LRP1B: variants seen among roughly 807,000 people sequenced by gnomAD.
LRP1B encodes the protein LDL receptor related protein 1B.
LRP1B carries 217 observed loss-of-function variants against 556.6 expected under a neutral mutation model. The ratio of observed to expected loss-of-function variants is 0.39; its 90% CI spans 0.35 to 0.44. The LOEUF is 0.44. Ranked by LOEUF, LRP1B falls within the 20% of genes least tolerant of loss-of-function variation. The pLI is 1.00. For synonymous variants in LRP1B, 2,047 were observed against 1,865.8 expected (o/e 1.10, Z -2.50); for missense variants, 5,053 against 5,620.8 (o/e 0.90, Z 3.23).
chr2:140,717,826 A>C (rs1281182822), intron 35 of LRP1B, among the ~76,000 whole-genome samples: 2 of 152,102 alleles, frequency 1.3e-5, no homozygotes. Context: ...TCTGTTTCAA[A>C]TGAAATATAG....
intron 67 of LRP1B, among the ~76,000 whole-genome samples, chr2:140,379,464 G>A (rs2105185590): frequency 6.6e-6 from 1 of 152,278 alleles, no homozygotes; most frequent in East Asian, 1.9e-4. Flanking sequence ...GGAGGCCGAG[G>A]CGGGCAGATC....
At chr2:141,665,310 G>A (rs997233694) in intron 2 of LRP1B, among the ~76,000 whole-genome samples, 1 of 152,088 alleles carries the variant, frequency 6.6e-6, no homozygotes, top group East Asian at 1.9e-4. Context: ...CATACATGCA[G>A]CCAATAAACA....
chr2:140,955,305 A>T (rs1285039549), intron 18 of LRP1B, among the ~76,000 whole-genome samples: 2 of 151,892 alleles, frequency 1.3e-5, no homozygotes, highest in Admixed American at 6.6e-5. Context: ...TGAAAATAGC[A>T]TCTGAATATA....
chr2:141,803,653 A>T (rs750407116), intron 2 of LRP1B, among the ~76,000 whole-genome samples: 114 of 152,214 alleles, frequency 7.5e-4, no homozygotes, highest in Non-Finnish European at 1.5e-3. Context: ...AATCACCATT[A>T]CTTAGAAACA....
At chr2:140,998,976 G>A (rs1384716509) in intron 15 of LRP1B, among the ~76,000 whole-genome samples, 2 of 152,002 alleles carry the variant, frequency 1.3e-5, no homozygotes, top group Non-Finnish European at 2.9e-5. Context: ...GTAATGAGAG[G>A]TTAGTGGCAT....
chr2:140,626,677 A>G (rs1289485763), intron 41 of LRP1B, among the ~76,000 whole-genome samples: 2 of 146,126 alleles, frequency 1.4e-5, no homozygotes, highest in African/African-American at 5.1e-5. Flanking sequence ...AAATTTGAGT[A>G]CACAAAAATT....
intron 86 of LRP1B, among the ~76,000 whole-genome samples, chr2:140,267,965 G>A (rs952802333): frequency 6.6e-6 from 1 of 151,772 alleles, no homozygotes; most frequent in Non-Finnish European, 1.5e-5. Context: ...AACGTGGGCT[G>A]CTACACCCAT....
chr2:141,080,830 A>G (rs971903126), intron 7 of LRP1B, among the ~76,000 whole-genome samples: 6 of 152,204 alleles, frequency 3.9e-5, no homozygotes, highest in African/African-American at 9.7e-5. Flanking sequence ...AATAAACTTC[A>G]TAAGTTTTAA....
At chr2:141,316,205 G>C (rs1687030337) in intron 3 of LRP1B, among the ~76,000 whole-genome samples, 1 of 151,962 alleles carries the variant, frequency 6.6e-6, no homozygotes, top group South Asian at 2.1e-4. Context: ...TCCTTTTAAA[G>C]TAAAGTGCTT....
At chr2:140,769,031 A>ATT (rs11421307) in intron 35 of LRP1B, among the ~76,000 whole-genome samples, 182 bp downstream of exon 35, 52 of 150,778 alleles carry the variant, frequency 3.4e-4, no homozygotes, top group African/African-American at 8.3e-4. Context: ...ATTTTACTTG[A>ATT]TTTTTTTTTC....
At chr2:142,086,764 A>C (rs13018015) in intron 1 of LRP1B, among the ~76,000 whole-genome samples, 75,167 of 151,656 alleles carry the variant, frequency 0.5, 18,917 homozygotes, top group East Asian at 0.69. Flanking sequence ...TAAAATTCAA[A>C]GTTAACTGAG....
chr2:141,471,979 G>T (rs1270248629), intron 3 of LRP1B, among the ~76,000 whole-genome samples: 1 of 152,190 alleles, frequency 6.6e-6, no homozygotes, highest in Non-Finnish European at 1.5e-5. Flanking sequence ...ACTATCAAGA[G>T]TTGTAGAACA....
At chr2:140,431,552 G>A (rs1413448893) in intron 66 of LRP1B, among the ~76,000 whole-genome samples, 5 of 152,110 alleles carry the variant, frequency 3.3e-5, no homozygotes, top group Admixed American at 6.6e-5. Flanking sequence ...ATATATCGTG[G>A]TGCTATCCCC....
intron 2 of LRP1B, among the ~76,000 whole-genome samples, chr2:141,793,507 G>T (rs1695690836): frequency 6.6e-6 from 1 of 151,762 alleles, no homozygotes; most frequent in Non-Finnish European, 1.5e-5. Context: ...AAAAAGAAGG[G>T]TAATAGATTA....
At chr2:141,325,289 A>T (rs969603720) in intron 3 of LRP1B, among the ~76,000 whole-genome samples, 3 of 152,058 alleles carry the variant, frequency 2.0e-5, no homozygotes, top group Non-Finnish European at 2.9e-5. Flanking sequence ...ATTCATGGTC[A>T]TTTATTTTTC....
intron 3 of LRP1B, among the ~76,000 whole-genome samples, chr2:141,407,356 CA>C (rs747493593): frequency 1.3e-5 from 2 of 151,138 alleles, no homozygotes; most frequent in Non-Finnish European, 3.0e-5. Flanking sequence ...AACAAACAAG[CA>C]AAAAAAACAT....
chr2:140,790,475 C>T (rs535645845), intron 32 of LRP1B, among the ~76,000 whole-genome samples: 7 of 152,236 alleles, frequency 4.6e-5, no homozygotes, highest in African/African-American at 7.2e-5. Context: ...GTAAGTGTGA[C>T]GCTGGAGAAC....
chr2:141,454,865 T>C (rs772763905), intron 3 of LRP1B, among the ~76,000 whole-genome samples: 2 of 152,224 alleles, frequency 1.3e-5, no homozygotes, highest in Non-Finnish European at 2.9e-5. Context: ...TCTTTCTCCT[T>C]ATCATTACTG....
At chr2:141,030,003 C>T (rs1263124477) in intron 11 of LRP1B, among the ~76,000 whole-genome samples, 1 of 152,054 alleles carries the variant, frequency 6.6e-6, no homozygotes, top group East Asian at 1.9e-4. Flanking sequence ...ACAAAATTAT[C>T]CGTGTTCTAT....
Sources: allele counts gnomAD v4.1 joint callset (sites outside exome capture counted in the v4.1 genomes callset), GRCh38; gene constraint gnomAD v4.1.1; transcripts MANE v1.5; gene names NCBI Gene and HGNC (gene_info 2026-07-23, HGNC 2026-07-21).